CPS1: variants seen among roughly 807,000 people sequenced by gnomAD.
The protein encoded by CPS1 is carbamoyl-phosphate synthase [ammonia], mitochondrial.
In CPS1, 109 loss-of-function variants were observed where a neutral mutation model predicts 174.6. The ratio of observed to expected loss-of-function variants is 0.62; its 90% CI spans 0.53 to 0.73. The LOEUF (loss-of-function observed/expected upper bound fraction) is 0.73, where lower values mean the gene tolerates loss of function less well. CPS1 is among the 30% of genes least tolerant of loss of function. The pLI, the probability that CPS1 is intolerant of heterozygous loss-of-function variation, is 0.00. For synonymous variants in CPS1, 637 were observed against 632.0 expected (o/e 1.01, Z -0.12); for missense variants, 1,689 against 1,821.9 (o/e 0.93, Z 1.33).
chr2:210,622,334 A>G (rs938513223), intron 21 of CPS1, among the ~76,000 whole-genome samples: 4 of 151,792 alleles, frequency 2.6e-5, no homozygotes, highest in African/African-American at 7.3e-5. Flanking sequence ...TATCAAGTAT[A>G]TGGTATGTAA....
At chr2:210,659,627 C>G (rs1700848713) in intron 31 of CPS1, among the ~76,000 whole-genome samples, 2 of 152,100 alleles carry the variant, frequency 1.3e-5, no homozygotes, top group Admixed American at 6.5e-5. Flanking sequence ...ATTGATTTAC[C>G]TCCTACTCGC....
intron 1 of CPS1, among the ~76,000 whole-genome samples, chr2:210,538,027 C>A (rs73073536): frequency 0.023 from 3,551 of 152,120 alleles, 140 homozygotes; most frequent in African/African-American, 0.081. Context: ...ATTATCTTCC[C>A]AAAAAATATG....
At chr2:210,639,075 A>G in intron 22 of CPS1, 75 bp from the exon 23 acceptor site, 1 of 1,179,246 alleles carries the variant, frequency 8.5e-7, no homozygotes, top group South Asian at 1.3e-5. Flanking sequence ...TATGTATATA[A>G]AGCACAAAAA....
chr2:210,613,829 G>C (rs1038566377), intron 20 of CPS1, among the ~76,000 whole-genome samples: 2 of 151,924 alleles, frequency 1.3e-5, no homozygotes, highest in Admixed American at 6.6e-5. Flanking sequence ...AAGTGCAGGG[G>C]CTGCGTGTAA....
intron 1 of CPS1, among the ~76,000 whole-genome samples, chr2:210,551,588 T>C (rs1217635234): frequency 6.6e-6 from 1 of 151,972 alleles, no homozygotes; most frequent in East Asian, 1.9e-4. Flanking sequence ...TTTGTTATTC[T>C]AGAATAAATC....
At chr2:210,654,439 A>G (rs1700648045) in intron 29 of CPS1, among the ~76,000 whole-genome samples, 2 of 152,248 alleles carry the variant, frequency 1.3e-5, no homozygotes, top group Middle Eastern at 6.8e-3. Context: ...AAAACATCTA[A>G]TACTTTTCTT....
chr2:210,610,115 C>T (rs184504869), intron 19 of CPS1, among the ~76,000 whole-genome samples: 14 of 151,874 alleles, frequency 9.2e-5, no homozygotes, highest in Non-Finnish European at 1.3e-4. Flanking sequence ...AGAAATAGAA[C>T]GCAAATACCA....
Position 210,675,735 on chromosome 2 carries a change from C to A in CPS1, c.4169C>A (p.Ala1390Asp). The A allele has an allele frequency of 6.4e-7, 1 of 1,562,056 alleles. No homozygotes were observed. The highest frequency in any genetic ancestry group is 8.8e-7 in the Non-Finnish European group (1 of 1,132,446). The change falls in exon 36 of 38, where the codon GCC becomes GAC. Residue 1390 changes from alanine (A) to aspartate (D), a missense_variant. Transcript: ENST00000233072. ...TTTTCATTTTAAATGCAGCTGTTTG[C>A]CACGGAAGCCACATCAGACTGGCTC... ...QLHNEGFKLF[A>D]TEATSDWLNA...
In CPS1 at chr2:210,495,955, C is replaced by A. The variant is rs142769275; in HGVS notation, c.3+18189C>A. Reference sequence around the variant, plus strand: ...TCTTTTTTTCCTCCCTCTCTCACTCCCTCCTTCCTTACCTTCCTCCCCTCT... The same window carrying A: ...TCTTTTTTTCCTCCCTCTCTCACTCACTCCTTCCTTACCTTCCTCCCCTCT... On this transcript the variant is annotated intron_variant, in intron 1 of 38. Transcript: ENST00000430249. Among the ~76,000 whole-genome samples, 5 of 151,652 alleles carry A rather than the reference C, an allele frequency of 3.3e-5. No individual in the cohort carries two copies. In the East Asian group the frequency reaches 9.8e-4, roughly 30 times the overall value.
chr2:210,507,338 C>G (rs371432523), intron 1 of CPS1, among the ~76,000 whole-genome samples: 18 of 152,234 alleles, frequency 1.2e-4, no homozygotes, highest in South Asian at 8.3e-4. Context: ...GAGAGATTTT[C>G]TCACCACCAG....
chr2:210,661,088 T>A (rs896754702), intron 32 of CPS1, among the ~76,000 whole-genome samples: 1 of 152,206 alleles, frequency 6.6e-6, no homozygotes, highest in Non-Finnish European at 1.5e-5. Flanking sequence ...AGTATATATT[T>A]TCTTCAGTGG....
Position 210,590,913 on chromosome 2 carries a change from T to C in CPS1, c.947+7T>C. ...AGATGTCCATGGCCAACAGGTGAGG[T>C]ATTTTCACTTTTGCTTACAGTAAAC... On this transcript the variant is annotated splice_region_variant and intron_variant, in intron 9 of 37. Coordinates refer to ENST00000233072, the MANE Select transcript of CPS1 (RefSeq NM_001875.5). 6.2e-7 allele frequency: 1 copy of C among 1,608,466 alleles called. No homozygotes were observed. Among genetic ancestry groups the C allele is most frequent in the Non-Finnish European group, 8.5e-7 (1 of 1,176,212 alleles).
chr2:210,526,901 G>C (rs967661406), intron 1 of CPS1, among the ~76,000 whole-genome samples: 1 of 151,874 alleles, frequency 6.6e-6, no homozygotes, highest in Non-Finnish European at 1.5e-5. Flanking sequence ...AATCAATACT[G>C]TAATTTATCT....
At position 210,663,108 on chromosome 2, in the gene CPS1, T is replaced by C. The variant is rs552764351; in HGVS notation, c.3928-15T>C. The stretch of plus-strand genomic sequence containing the variant: ...CTCACATAATTTTTCTCCCTGTTTT[T>C]TTTTTTTCCAACAGGCTCCCATGTT... On this transcript the variant is annotated splice_polypyrimidine_tract_variant and intron_variant, in intron 32 of 37. Transcript: ENST00000233072. The C allele has an allele frequency of 3.1e-4, 499 of 1,613,610 alleles. 1 individual carries two copies. The African/African-American group carries it at 5.9e-3, about 19-fold the overall frequency.
Position 210,656,411 on chromosome 2 carries a change from C to A in CPS1, c.3559-114C>A, listed in dbSNP as rs897842479. ...TCTCATCAGGAATGTAGCAAGGGAA[C>A]TACTTAGTGCTCAGTGCATCTGTTA... On this transcript the variant is annotated intron_variant, in intron 29 of 37. Transcript: ENST00000233072. The A allele has an allele frequency of 4.0e-6, 3 of 743,412 alleles. No homozygotes were observed. The Admixed American group carries it at 6.0e-5, about 15-fold the overall frequency. 46.1% of individuals were successfully genotyped at this position (743,412 alleles called of 1,614,324 possible).
In CPS1 at chr2:210,670,879, A is replaced by T. The variant is rs533049080; in HGVS notation, c.4101+2595A>T. On this transcript the variant is annotated intron_variant, in intron 34 of 37. Coordinates refer to ENST00000233072, the MANE Select transcript of CPS1 (RefSeq NM_001875.5). ...AAATATTCATAACATCAATCTTATAACTAGGACTTAGGATAAAAGAATCAA... is the reference window on the plus strand; with the variant it reads ...AAATATTCATAACATCAATCTTATATCTAGGACTTAGGATAAAAGAATCAA... Among the ~76,000 whole-genome samples the T allele has an allele frequency of 3.3e-5, 5 of 152,306 alleles. No individual in the cohort carries two copies. In the South Asian group the frequency reaches 1.0e-3, roughly 32 times the overall value.
At chr2:210,556,375 C>A (rs189124865), upstream of CPS1, 3 of 474,978 alleles carry the variant, frequency 6.3e-6, no homozygotes, top group Non-Finnish European at 1.2e-5. Flanking sequence ...TAAGGTTGTC[C>A]ATGATGTCTA....
At chr2:210,588,172 G>T in intron 7 of CPS1, 25 bp downstream of exon 7, 1 of 1,594,402 alleles carries the variant, frequency 6.3e-7, no homozygotes, top group Non-Finnish European at 8.6e-7. Flanking sequence ...CATTTCAAAG[G>T]TGAGGGTTTG....
At chr2:210,675,913 A>G (rs984264662) in intron 36 of CPS1, 73 bp downstream of exon 36, 1 of 797,044 alleles carries the variant, frequency 1.3e-6, no homozygotes, top group African/African-American at 1.7e-5. Context: ...TGAATATTTC[A>G]CCTTACTTGA....
Sources: allele counts gnomAD v4.1 joint callset (sites outside exome capture counted in the v4.1 genomes callset), GRCh38; gene constraint gnomAD v4.1.1; transcripts MANE v1.5; gene names NCBI Gene and HGNC (gene_info 2026-07-23, HGNC 2026-07-21).